MAST4: variants seen among roughly 807,000 people sequenced by gnomAD.
The protein encoded by MAST4 is microtubule-associated serine/threonine-protein kinase 4.
A neutral mutation model predicts 162.7 loss-of-function variants in MAST4; 89 were observed. That is an observed-to-expected ratio of 0.55 (90% confidence interval 0.46 to 0.65). The LOEUF (loss-of-function observed/expected upper bound fraction) is 0.65. Among genes scored for constraint, MAST4 ranks in the 30% least tolerant of loss-of-function variants. MAST4 has a pLI of 0.00. For synonymous variants in MAST4, 1,479 were observed against 1,361.1 expected, an observed-to-expected ratio of 1.09 and a Z score of -1.91; for missense variants, 3,153 against 3,374.0, an observed-to-expected ratio of 0.93 and a Z score of 1.62.
intron 4 of MAST4, among the ~76,000 whole-genome samples, chr5:67,021,272 C>T (rs1242571696): frequency 6.6e-6 from 1 of 152,124 alleles, no homozygotes; most frequent in Non-Finnish European, 1.5e-5. Flanking sequence ...GTATCATGTC[C>T]TGACTTGAAT....
chr5:66,788,606 C>CCCAAACAAAAAAAAAAAAAA, intron 2 of MAST4, 64 bp from the exon 3 acceptor site: 5 of 1,356,382 alleles, frequency 3.7e-6, no homozygotes, highest in Middle Eastern at 1.9e-4. Flanking sequence ...ACCCCCACCC[C>CCCAAACAAAAAAAAAAAAAA]CATTGCAATA....
chr5:66,664,999 A>T (rs1179723644), intron 1 of MAST4, among the ~76,000 whole-genome samples: 4 of 152,204 alleles, frequency 2.6e-5, no homozygotes, highest in African/African-American at 9.6e-5. Context: ...ATGTGGGTGG[A>T]AGGTCTAACA....
At chr5:66,839,615 A>G (rs1307243773) in intron 3 of MAST4, among the ~76,000 whole-genome samples, 1 of 152,098 alleles carries the variant, frequency 6.6e-6, no homozygotes, top group African/African-American at 2.4e-5. Context: ...ATTGCTTCCA[A>G]CTTTGACAAC....
At chr5:66,956,802 C>T (rs73768719) in intron 4 of MAST4, among the ~76,000 whole-genome samples, 21,376 of 152,178 alleles carry the variant, frequency 0.14, 2,415 homozygotes, top group African/African-American at 0.31. Context: ...AAGAGTGACA[C>T]ATTCTGAAAG....
chr5:66,659,121 C>T (rs776826765), intron 1 of MAST4, among the ~76,000 whole-genome samples: 3 of 152,090 alleles, frequency 2.0e-5, no homozygotes, highest in Non-Finnish European at 4.4e-5. Context: ...TTGATGGTGG[C>T]GGGAGGCAGA....
intron 1 of MAST4, among the ~76,000 whole-genome samples, chr5:66,608,472 A>G (rs1743053617): frequency 6.8e-6 from 1 of 147,952 alleles, no homozygotes; most frequent in Non-Finnish European, 1.5e-5. Flanking sequence ...CCTTTCAGAT[A>G]ATGCTTACAT....
intron 4 of MAST4, among the ~76,000 whole-genome samples, chr5:66,990,725 T>A (rs571557684): frequency 1.3e-5 from 2 of 152,216 alleles, no homozygotes; most frequent in Non-Finnish European, 2.9e-5. Flanking sequence ...CAGTTGTTGA[T>A]AAACTTACCT....
At chr5:66,787,530 T>C (rs983198869) in intron 2 of MAST4, among the ~76,000 whole-genome samples, 18 of 152,242 alleles carry the variant, frequency 1.2e-4, no homozygotes, top group African/African-American at 4.1e-4. Context: ...GCGTGTGCAG[T>C]AATGGTAAAC....
At chr5:66,869,764 T>C (rs929252311) in intron 3 of MAST4, among the ~76,000 whole-genome samples, 6 of 152,200 alleles carry the variant, frequency 3.9e-5, no homozygotes, top group African/African-American at 1.4e-4. Context: ...TGTTAAGAGA[T>C]CTGAGCAAAT....
At chr5:66,674,515 C>A (rs756236930) in intron 1 of MAST4, among the ~76,000 whole-genome samples, 13 of 152,108 alleles carry the variant, frequency 8.5e-5, no homozygotes, top group African/African-American at 2.9e-4. Flanking sequence ...TGGGAACAAG[C>A]CTTGGTAAGA....
chr5:66,982,681 T>C (rs1309003094), intron 4 of MAST4, among the ~76,000 whole-genome samples: 1 of 152,226 alleles, frequency 6.6e-6, no homozygotes, highest in Non-Finnish European at 1.5e-5. Context: ...TTTGACAGCC[T>C]TTTGTTCTCC....
chr5:67,128,302 G>T (rs1768507684), intron 14 of MAST4, among the ~76,000 whole-genome samples: 2 of 152,158 alleles, frequency 1.3e-5, no homozygotes, highest in African/African-American at 4.8e-5. Context: ...TGGTCATCCT[G>T]AAGAGTACCA....
In MAST4 at chr5:66,945,522, G is replaced by T. The variant is rs570608624; in HGVS notation, c.674+45540G>T. ...CCTGTGCCCCATGAAGGTAACTGAG[G>T]TCTTACAGCTGCCTTTTGTGGGGAC... On this transcript the variant is annotated intron_variant, in intron 4 of 28. Transcript: ENST00000403625. 3.3e-5 allele frequency among the ~76,000 whole-genome samples: 5 copies of T among 152,150 alleles called. No homozygotes were observed. The South Asian group carries it at 1.0e-3, about 32-fold the overall frequency.
intron 5 of MAST4, among the ~76,000 whole-genome samples, chr5:67,071,528 G>T (rs1048747467): frequency 1.3e-5 from 2 of 152,128 alleles, no homozygotes; most frequent in Admixed American, 6.5e-5. Context: ...CAAGGGGGGG[G>T]CGGGGTGTAT....
chr5:67,165,603 G>A lies in MAST4; in HGVS notation c.6424G>A (p.Asp2142Asn). 1 of 1,613,716 alleles carries A rather than the reference G, an allele frequency of 6.2e-7. No individual in the cohort carries two copies. Residue 2142 changes from aspartate (D) to asparagine (N), a missense_variant, in exon 29 of 29, where the codon GAC (aspartate) becomes AAC (asparagine). Around this residue, in one of 7 missense-constraint regions of MAST4, gnomAD observed 1,644 missense variants for 1,495.0 expected, o/e 1.10. Transcript: ENST00000403625. ...CCCTCCGCCCCCTCTGACGGCCAAA[G>A]ACCTGTCCAGCCCGGCTGCCAGGCA... ...SIPPPPLTAK[D>N]LSSPAARQHC... is the part of the protein sequence containing the mutation.
intron 3 of MAST4, 106 bp from the exon 4 acceptor site, chr5:66,899,845 A>C (rs1762896874): frequency 1.1e-6 from 1 of 892,428 alleles, no homozygotes; most frequent in Admixed American, 3.6e-5. Flanking sequence ...AGAAATGCCA[A>C]ATCAAGCGTA....
chr5:66,910,314 C>G (rs1224245936), intron 4 of MAST4, among the ~76,000 whole-genome samples: 1 of 152,174 alleles, frequency 6.6e-6, no homozygotes, highest in South Asian at 2.1e-4. Flanking sequence ...ATAGTGACAG[C>G]CACACTGGTG....
chr5:66,939,186 T>C (rs1456476056), intron 4 of MAST4, among the ~76,000 whole-genome samples: 1 of 152,074 alleles, frequency 6.6e-6, no homozygotes, highest in African/African-American at 2.4e-5. Flanking sequence ...TTGAAATTTG[T>C]GAAGAGAGAA....
intron 5 of MAST4, among the ~76,000 whole-genome samples, chr5:67,079,263 G>A (rs1762319997): frequency 6.6e-6 from 1 of 151,808 alleles, no homozygotes; most frequent in African/African-American, 2.4e-5. Flanking sequence ...GAAATATTGG[G>A]ATATTTGGTG....
Sources: allele counts gnomAD v4.1 joint callset (sites outside exome capture counted in the v4.1 genomes callset), GRCh38; gene constraint gnomAD v4.1.1; regional missense constraint gnomAD v4.1.1; transcripts MANE v1.5; gene names NCBI Gene and HGNC (gene_info 2026-07-23, HGNC 2026-07-21).